The following ATXN1 variants were observed in gnomAD, a reference collection of about 807,000 sequenced individuals.
The protein encoded by ATXN1 is ataxin-1.
ATXN1 carries 8 observed loss-of-function variants against 56.4 expected under a neutral mutation model. That is an observed-to-expected ratio of 0.14 (90% confidence interval 0.08 to 0.26). The LOEUF is 0.26. Among genes scored for constraint, ATXN1 ranks in the 10% least tolerant of loss-of-function variants. The probability of loss-of-function intolerance (pLI) is 1.00; values close to 1 mark genes in which losing one functional copy is unlikely to be tolerated. For synonymous variants in ATXN1, 514 were observed against 494.6 expected (o/e 1.04, Z -0.52); for missense variants, 987 against 1,106.5 (o/e 0.89, Z 1.53).
chr6:16,655,537 T>G (rs1279043105), intron 3 of ATXN1, among the ~76,000 whole-genome samples: 1 of 151,946 alleles, frequency 6.6e-6, no homozygotes, highest in Admixed American at 6.6e-5. Context: ...TGACAGAAGT[T>G]CATAAAGAGA....
intron 6 of ATXN1, among the ~76,000 whole-genome samples, chr6:16,351,026 C>A (rs1466909617): frequency 3.3e-5 from 5 of 152,128 alleles, no homozygotes; most frequent in African/African-American, 4.8e-5. Context: ...GAGATCAAAG[C>A]TGCATTGAGC....
intron 6 of ATXN1, among the ~76,000 whole-genome samples, chr6:16,430,994 A>T (rs1759271484): frequency 6.6e-6 from 1 of 152,096 alleles, no homozygotes; most frequent in Non-Finnish European, 1.5e-5. Context: ...TTTACAACTG[A>T]CAACAGCAGA....
chr6:16,418,476 T>C (rs1391624840), intron 6 of ATXN1, among the ~76,000 whole-genome samples: 1 of 152,176 alleles, frequency 6.6e-6, no homozygotes, highest in African/African-American at 2.4e-5. Context: ...CTGGCACATG[T>C]CAAATCAAAG....
intron 5 of ATXN1, among the ~76,000 whole-genome samples, chr6:16,491,858 A>G (rs1266897310): frequency 6.6e-6 from 1 of 152,210 alleles, no homozygotes; most frequent in Non-Finnish European, 1.5e-5. Flanking sequence ...ATGAGATTCA[A>G]AGTGAGAGAG....
chr6:16,628,798 A>G (rs1342229871), intron 3 of ATXN1, among the ~76,000 whole-genome samples: 1 of 152,162 alleles, frequency 6.6e-6, no homozygotes, highest in African/African-American at 2.4e-5. Flanking sequence ...ACATGATCTC[A>G]TTCCTTTTTT....
In ATXN1 at chr6:16,671,453, G is replaced by A. The variant is rs143753931; in HGVS notation, c.-614-13552C>T. Among the ~76,000 whole-genome samples, 88 of 152,132 alleles carry A rather than the reference G, an allele frequency of 5.8e-4. 1 individual carries two copies. The East Asian group carries it at 0.013, about 22-fold the overall frequency. On this transcript the variant is annotated intron_variant, in intron 2 of 7. Coordinates refer to ENST00000436367, the MANE Select transcript of ATXN1 (RefSeq NM_001128164.2). ...GTGGGCCTCAGGAGCTAGGCAGATG[G>A]GAATTTTGAACTCTAAGTGTCTATT...
chr6:16,320,633 G>A (rs575152027), intron 7 of ATXN1, among the ~76,000 whole-genome samples: 1 of 152,366 alleles, frequency 6.6e-6, no homozygotes, highest in South Asian at 2.1e-4. Context: ...GGGCCATCCT[G>A]GGCAGGGCTG....
intron 6 of ATXN1, among the ~76,000 whole-genome samples, chr6:16,400,002 C>T (rs955010899): frequency 1.3e-5 from 2 of 152,190 alleles, no homozygotes; most frequent in African/African-American, 4.8e-5. Flanking sequence ...CCAGCAGCAT[C>T]AGCATCACTA....
At chr6:16,498,889 T>G (rs1448996055) in intron 5 of ATXN1, among the ~76,000 whole-genome samples, 3 of 152,204 alleles carry the variant, frequency 2.0e-5, no homozygotes, top group Non-Finnish European at 4.4e-5. Context: ...TCTTTATATA[T>G]TCCAGAAACT....
At chr6:16,411,428 T>C (rs1758797786) in intron 6 of ATXN1, among the ~76,000 whole-genome samples, 1 of 152,142 alleles carries the variant, frequency 6.6e-6, no homozygotes, top group Non-Finnish European at 1.5e-5. Flanking sequence ...AAGCCCTGTT[T>C]ATAGGTGGTA....
intron 3 of ATXN1, among the ~76,000 whole-genome samples, chr6:16,655,609 CCA>C (rs1758182483): frequency 6.6e-6 from 1 of 151,922 alleles, no homozygotes; most frequent in South Asian, 2.1e-4. Context: ...CAGGATAGTC[CCA>C]GTCTCATATG....
At chr6:16,470,983 G>T (rs766439726) in intron 6 of ATXN1, among the ~76,000 whole-genome samples, 2 of 152,140 alleles carry the variant, frequency 1.3e-5, no homozygotes, top group Non-Finnish European at 2.9e-5. Context: ...CTGATGTGAG[G>T]CATTTGGAAG....
At chr6:16,538,329 T>C (rs1465321264) in intron 4 of ATXN1, among the ~76,000 whole-genome samples, 1 of 152,210 alleles carries the variant, frequency 6.6e-6, no homozygotes, top group East Asian at 1.9e-4. Context: ...CACAAAGCAC[T>C]TAGAGCAGTA....
intron 2 of ATXN1, chr6:16,740,022 G>C (rs759749399): frequency 1.9e-5 from 7 of 367,742 alleles, no homozygotes; most frequent in African/African-American, 1.3e-4. Flanking sequence ...AGATTGAGGA[G>C]GGCACCTAAG....
intron 2 of ATXN1, among the ~76,000 whole-genome samples, chr6:16,674,506 C>T (rs946373798): frequency 2.3e-4 from 34 of 149,520 alleles, no homozygotes; most frequent in Admixed American, 3.3e-4. Flanking sequence ...CCCACCACCA[C>T]GCCCAGCTAA....
chr6:16,317,093 T>G (rs556580040), intron 7 of ATXN1, among the ~76,000 whole-genome samples: 1 of 152,194 alleles, frequency 6.6e-6, no homozygotes, highest in Non-Finnish European at 1.5e-5. Context: ...GCAGCTGTGT[T>G]AGTAATCATT....
At chr6:16,496,879 G>T (rs537776013) in intron 5 of ATXN1, among the ~76,000 whole-genome samples, 1 of 152,180 alleles carries the variant, frequency 6.6e-6, no homozygotes, top group African/African-American at 2.4e-5. Flanking sequence ...TTAGGAGAAA[G>T]AATAACAGGA....
At chr6:16,757,387 A>T (rs548989121) in intron 1 of ATXN1, among the ~76,000 whole-genome samples, 5 of 152,360 alleles carry the variant, frequency 3.3e-5, no homozygotes, top group Admixed American at 2.6e-4. Flanking sequence ...GCATTTTTCT[A>T]TATGTTGCAA....
chr6:16,572,887 T>C (rs1762357476), intron 4 of ATXN1, among the ~76,000 whole-genome samples: 1 of 152,214 alleles, frequency 6.6e-6, no homozygotes, highest in South Asian at 2.1e-4. Flanking sequence ...ATCCTCTATC[T>C]TGGCAGAGTT....
Sources: allele counts gnomAD v4.1 joint callset (sites outside exome capture counted in the v4.1 genomes callset), GRCh38; gene constraint gnomAD v4.1.1; transcripts MANE v1.5; gene names NCBI Gene and HGNC (gene_info 2026-07-23, HGNC 2026-07-21).